Variants in POU6F2 observed in about 807,000 individuals in gnomAD.
POU6F2 encodes POU domain, class 6, transcription factor 2.
A neutral mutation model predicts 71.3 loss-of-function variants in POU6F2; 31 were observed. The ratio of observed to expected loss-of-function variants is 0.43; its 90% confidence interval spans 0.33 to 0.59. The LOEUF (loss-of-function observed/expected upper bound fraction) is 0.59, where lower values mean the gene tolerates loss of function less well. Among genes scored for constraint, POU6F2 ranks in the 20% least tolerant of loss-of-function variants. The pLI is 0.04. For missense variants in POU6F2, 783 were observed against 856.8 expected, an observed-to-expected ratio of 0.91 and a Z score of 1.07; for synonymous variants, 347 against 355.7, an observed-to-expected ratio of 0.98 and a Z score of 0.27.
intron 2 of POU6F2, among the ~76,000 whole-genome samples, chr7:39,160,334 A>G (rs1042893044): frequency 5.3e-5 from 8 of 152,216 alleles, no homozygotes; most frequent in Non-Finnish European, 7.3e-5. Context: ...TGGTAGGAGC[A>G]GTTTACAAGA....
chr7:39,015,861 A>ATATT (rs1491232563), intron 1 of POU6F2, among the ~76,000 whole-genome samples: 1 of 57,224 alleles, frequency 1.7e-5, no homozygotes, highest in Non-Finnish European at 3.0e-5. Flanking sequence ...AGATATATAT[A>ATATT]ATATATTATA....
At chr7:39,237,305 T>C (rs1794692801) in intron 4 of POU6F2, among the ~76,000 whole-genome samples, 2 of 152,208 alleles carry the variant, frequency 1.3e-5, no homozygotes, top group Admixed American at 1.3e-4. Context: ...TTTCCTCTAT[T>C]GATTTCTGCT....
chr7:39,265,093 T>G, intron 4 of POU6F2, among the ~76,000 whole-genome samples: 1 of 152,152 alleles, frequency 6.6e-6, no homozygotes, highest in Non-Finnish European at 1.5e-5. Flanking sequence ...AATGTATACC[T>G]CAGGCAGTTC....
chr7:39,292,142 A>C (rs1409713555), intron 4 of POU6F2, among the ~76,000 whole-genome samples: 1 of 152,114 alleles, frequency 6.6e-6, no homozygotes, highest in Non-Finnish European at 1.5e-5. Context: ...TGGCTGACCA[A>C]AATAGCAACT....
intron 4 of POU6F2, among the ~76,000 whole-genome samples, chr7:39,320,962 G>C (rs1409481411): frequency 6.6e-6 from 1 of 152,128 alleles, no homozygotes; most frequent in South Asian, 2.1e-4. Flanking sequence ...AGGCTGAAGT[G>C]GGAGGATCGC....
At chr7:39,242,995 A>G (rs982193980) in intron 4 of POU6F2, among the ~76,000 whole-genome samples, 6 of 152,094 alleles carry the variant, frequency 3.9e-5, no homozygotes, top group African/African-American at 1.4e-4. Context: ...ACCACACAAT[A>G]CTGTCCTCAT....
chr7:39,064,292 T>A (rs1790713998), intron 1 of POU6F2, among the ~76,000 whole-genome samples: 1 of 152,000 alleles, frequency 6.6e-6, no homozygotes, highest in African/African-American at 2.4e-5. Context: ...ACCCATTTTC[T>A]TAACACACAT....
intron 6 of POU6F2, among the ~76,000 whole-genome samples, chr7:39,423,897 C>T (rs1787909620): frequency 6.6e-6 from 1 of 152,226 alleles, no homozygotes; most frequent in African/African-American, 2.4e-5. Context: ...GAAGGCCAGT[C>T]AACGTTGATT....
chr7:39,090,492 T>A (rs1791341434), intron 2 of POU6F2, among the ~76,000 whole-genome samples: 1 of 152,064 alleles, frequency 6.6e-6, no homozygotes, highest in Non-Finnish European at 1.5e-5. Context: ...AGGCCTTCAT[T>A]ATGGGATCAC....
chr7:38,989,337 T>G (rs1788540415), intron 1 of POU6F2, among the ~76,000 whole-genome samples: 1 of 152,098 alleles, frequency 6.6e-6, no homozygotes, highest in Admixed American at 6.6e-5. Context: ...TAAATTATTC[T>G]TTTGTTAAAT....
chr7:39,289,118 C>T (rs902081788), intron 4 of POU6F2, among the ~76,000 whole-genome samples: 1 of 152,154 alleles, frequency 6.6e-6, no homozygotes, highest in Non-Finnish European at 1.5e-5. Context: ...CTTATTTTCC[C>T]CCCATGAACC....
intron 5 of POU6F2, among the ~76,000 whole-genome samples, chr7:39,368,189 G>C (rs982394572): frequency 2.0e-5 from 3 of 152,174 alleles, no homozygotes; most frequent in Non-Finnish European, 4.4e-5. Context: ...AGAAAACTAG[G>C]CCTCTTGTAC....
In POU6F2 at chr7:39,460,967, T is replaced by A. The variant is rs191860126; in HGVS notation, c.1658+252T>A. ...CAAGGCAGTCTCATTGGAAATACAC[T>A]ACCCCAGGGTCAGGGGCCTTCCTCC... On this transcript the variant is annotated intron_variant, in intron 9 of 9. Transcript: ENST00000518318. This position sits in a 1 kb window ranked among gnomAD's most constrained non-coding sequence, Gnocchi z 4.4. Among the ~76,000 whole-genome samples the A allele has an allele frequency of 8.5e-5, 13 of 152,216 alleles. No homozygotes were observed. The highest frequency in any genetic ancestry group is 5.2e-4 in the Admixed American group (8 of 15,296).
At chr7:39,370,970 T>C (rs1786593784) in intron 5 of POU6F2, among the ~76,000 whole-genome samples, 1 of 152,176 alleles carries the variant, frequency 6.6e-6, no homozygotes, top group African/African-American at 2.4e-5. Flanking sequence ...CAGAGATATC[T>C]CCTATTAGTT....
intron 2 of POU6F2, among the ~76,000 whole-genome samples, chr7:39,153,128 T>A (rs1562725458): frequency 6.6e-6 from 1 of 152,114 alleles, no homozygotes; most frequent in African/African-American, 2.4e-5. Flanking sequence ...TGGACAAAGG[T>A]GGTTTGGGGA....
chr7:39,078,896 C>T (rs1379151391), intron 1 of POU6F2, among the ~76,000 whole-genome samples: 2 of 151,988 alleles, frequency 1.3e-5, no homozygotes. Context: ...TCCAGCCTGG[C>T]GACAGAGCAA....
At chr7:39,316,970 A>T (rs1267106577) in intron 4 of POU6F2, among the ~76,000 whole-genome samples, 22 of 152,216 alleles carry the variant, frequency 1.4e-4, no homozygotes, top group Non-Finnish European at 1.5e-5. Flanking sequence ...CCTGAGATTA[A>T]CAAAAGCTTC....
At chr7:39,177,903 T>A (rs887061616) in intron 2 of POU6F2, among the ~76,000 whole-genome samples, 1 of 152,202 alleles carries the variant, frequency 6.6e-6, no homozygotes, top group South Asian at 2.1e-4. Context: ...CAAGCATAAG[T>A]TTATAACTGT....
At chr7:39,213,297 C>T (rs1452555254) in intron 4 of POU6F2, among the ~76,000 whole-genome samples, 1 of 152,188 alleles carries the variant, frequency 6.6e-6, no homozygotes, top group Non-Finnish European at 1.5e-5. Context: ...TTTTCTCTGA[C>T]TCCCCAAATT....
Sources: allele counts gnomAD v4.1 joint callset (sites outside exome capture counted in the v4.1 genomes callset), GRCh38; gene constraint gnomAD v4.1.1; non-coding constraint Gnocchi (gnomAD v3.1); transcripts MANE v1.5; gene names NCBI Gene and HGNC (gene_info 2026-07-23, HGNC 2026-07-21).